LRRTM4: variants seen among roughly 807,000 people sequenced by gnomAD.
The protein encoded by LRRTM4 is leucine rich repeat transmembrane neuronal 4, also known as leucine-rich repeat transmembrane neuronal protein 4.
A neutral mutation model predicts 47.6 loss-of-function variants in LRRTM4; 25 were observed. The observed-to-expected ratio is 0.53, with a 90% confidence interval of 0.38 to 0.73. The LOEUF is 0.73. Ranked by LOEUF, LRRTM4 falls within the 30% of genes least tolerant of loss-of-function variation. The pLI is 0.00. For synonymous variants in LRRTM4, 311 were observed against 269.5 expected (o/e 1.15, Z -1.51); for missense variants, 638 against 713.4 (o/e 0.89, Z 1.20).
intron 3 of LRRTM4, among the ~76,000 whole-genome samples, chr2:77,121,474 A>G (rs1228211962): frequency 6.6e-6 from 1 of 151,872 alleles, no homozygotes; most frequent in Non-Finnish European, 1.5e-5. Context: ...ATTTAAAAAC[A>G]CATATCTAAA....
At chr2:76,856,943 A>G (rs567114689) in intron 3 of LRRTM4, among the ~76,000 whole-genome samples, 1 of 152,118 alleles carries the variant, frequency 6.6e-6, no homozygotes, top group Admixed American at 6.6e-5. Context: ...AAAAAAAATA[A>G]AAGAAAAATT....
chr2:76,846,785 A>T (rs987298004), intron 3 of LRRTM4, among the ~76,000 whole-genome samples: 1 of 152,208 alleles, frequency 6.6e-6, no homozygotes, highest in African/African-American at 2.4e-5. Flanking sequence ...ACATCTTTGT[A>T]TTTAGGAATG....
intron 3 of LRRTM4, among the ~76,000 whole-genome samples, chr2:77,135,315 A>G (rs371662219): frequency 6.6e-6 from 1 of 152,212 alleles, no homozygotes; most frequent in South Asian, 2.1e-4. Flanking sequence ...ACTGAGGGAC[A>G]TTCATTATGT....
intron 3 of LRRTM4, among the ~76,000 whole-genome samples, chr2:77,363,610 A>T (rs1672323029): frequency 6.6e-6 from 1 of 152,202 alleles, no homozygotes; most frequent in Non-Finnish European, 1.5e-5. Context: ...TTTGCATCCA[A>T]TCCGAAATTC....
chr2:77,248,650 A>G (rs1016575385), intron 3 of LRRTM4, among the ~76,000 whole-genome samples: 7 of 152,198 alleles, frequency 4.6e-5, no homozygotes, highest in African/African-American at 1.4e-4. Context: ...AAAACTTACC[A>G]TAGAGTTATA....
intron 3 of LRRTM4, among the ~76,000 whole-genome samples, chr2:77,171,387 C>T (rs7578713): frequency 0.034 from 5,185 of 152,178 alleles, 146 homozygotes; most frequent in African/African-American, 0.081. Flanking sequence ...AGCAATTCTC[C>T]TGCCTCAACC....
chr2:76,806,705 A>T (rs1464750749), intron 3 of LRRTM4, among the ~76,000 whole-genome samples: 2 of 152,194 alleles, frequency 1.3e-5, no homozygotes, highest in East Asian at 3.9e-4. Context: ...AATGTGCATA[A>T]AATTTAAAAT....
chr2:77,263,684 T>C (rs1306786653), intron 3 of LRRTM4, among the ~76,000 whole-genome samples: 3 of 152,168 alleles, frequency 2.0e-5, no homozygotes, highest in Non-Finnish European at 4.4e-5. Flanking sequence ...GCTATACAGA[T>C]ACATACCATT....
At position 76,987,908 on chromosome 2, in the gene LRRTM4, T is replaced by A. The variant is rs539988029; in HGVS notation, c.1552-238992A>T. Among the ~76,000 whole-genome samples the A allele has an allele frequency of 2.0e-5, 3 of 151,976 alleles. No homozygotes were observed. The East Asian group carries it at 5.8e-4, about 29-fold the overall frequency. On this transcript the variant is annotated intron_variant, in intron 3 of 3. Transcript: ENST00000409884. The stretch of plus-strand genomic sequence containing the variant: ...CCCAAAAAAGAAAAGAGCTGAATAT[T>A]GGTGAGTACTAATAATGATTGCTAT...
chr2:77,292,628 A>G (rs1005185977), intron 3 of LRRTM4, among the ~76,000 whole-genome samples: 1 of 146,778 alleles, frequency 6.8e-6, no homozygotes, highest in African/African-American at 2.5e-5. Context: ...AGTCTCACTC[A>G]TAGGTGGGAA....
intron 3 of LRRTM4, among the ~76,000 whole-genome samples, chr2:76,830,507 A>AGTGT (rs1156915796): frequency 8.4e-6 from 1 of 119,026 alleles, no homozygotes; most frequent in African/African-American, 3.5e-5. Context: ...TATGTGTGGC[A>AGTGT]GTGTGTGCGT....
intron 3 of LRRTM4, among the ~76,000 whole-genome samples, chr2:77,330,472 A>G (rs1214747876): frequency 2.0e-5 from 3 of 152,264 alleles, no homozygotes; most frequent in Admixed American, 6.5e-5. Context: ...AGATCCTTCA[A>G]TGAGTTTCAT....
At chr2:76,779,870 A>G (rs1341951225) in intron 3 of LRRTM4, among the ~76,000 whole-genome samples, 1 of 151,934 alleles carries the variant, frequency 6.6e-6, no homozygotes, top group Admixed American at 6.6e-5. Context: ...TGGTCTTTAC[A>G]TTTTGGCATG....
intron 3 of LRRTM4, among the ~76,000 whole-genome samples, chr2:76,951,983 A>C (rs112430440): frequency 0.038 from 5,722 of 152,014 alleles, 246 homozygotes; most frequent in East Asian, 0.14. Context: ...ACTTCATAGT[A>C]TTCCGTGGTG....
At chr2:76,882,219 G>A (rs1274197697) in intron 3 of LRRTM4, among the ~76,000 whole-genome samples, 1 of 152,098 alleles carries the variant, frequency 6.6e-6, no homozygotes, top group Non-Finnish European at 1.5e-5. Flanking sequence ...TTGGTATTGT[G>A]AAGGTCTGTG....
At chr2:76,960,938 A>T (rs1198917658) in intron 3 of LRRTM4, among the ~76,000 whole-genome samples, 3 of 151,518 alleles carry the variant, frequency 2.0e-5, no homozygotes, top group Admixed American at 2.0e-4. Context: ...TGTGCTACCA[A>T]TGTGTGGATA....
intron 3 of LRRTM4, among the ~76,000 whole-genome samples, chr2:76,782,988 A>ATCTT (rs1412543615): frequency 4.6e-5 from 7 of 152,212 alleles, no homozygotes; most frequent in African/African-American, 1.7e-4. Context: ...ATTCCTTTTA[A>ATCTT]TCTTTATTCT....
rs367649896 is a variant in LRRTM4 at position 77,115,562 on chromosome 2, C to T, written c.1552-366646G>A. On this transcript the variant is annotated intron_variant, in intron 3 of 3. Transcript: ENST00000409884. ...AATTTATGTTCTTCTGCCTTGCCTC[C>T]AGCCGGTCCCTCCGTTCGGGGTCCC... Among the ~76,000 whole-genome samples, 7 of 152,038 alleles carry T rather than the reference C, an allele frequency of 4.6e-5. No homozygotes were observed. In the East Asian group the frequency reaches 7.8e-4, roughly 17 times the overall value.
At chr2:76,928,181 C>T (rs1287125395) in intron 3 of LRRTM4, among the ~76,000 whole-genome samples, 3 of 152,084 alleles carry the variant, frequency 2.0e-5, no homozygotes, top group African/African-American at 7.2e-5. Context: ...CAACAAAAGT[C>T]ACACTTTAGA....
Sources: gnomAD v4.1 joint callset for allele counts (sites outside exome capture counted in the v4.1 genomes callset) on GRCh38, gnomAD v4.1.1 for gene constraint, MANE v1.5 for transcripts, NCBI Gene and HGNC (gene_info 2026-07-23, HGNC 2026-07-21) for gene names.